NBEA: variants seen among roughly 807,000 people sequenced by gnomAD.
The protein encoded by NBEA is lysosomal-trafficking regulator 2.
In NBEA, 44 loss-of-function variants were observed where a neutral mutation model predicts 343.4. The ratio of observed to expected loss-of-function variants is 0.13; its 90% CI spans 0.10 to 0.16. The LOEUF (loss-of-function observed/expected upper bound fraction) is 0.16, where lower values mean the gene tolerates loss of function less well. Among genes scored for constraint, NBEA ranks in the 10% least tolerant of loss-of-function variants. The pLI, the probability that NBEA is intolerant of heterozygous loss-of-function variation, is 1.00. For missense variants in NBEA, 2,555 were observed against 3,631.3 expected (o/e 0.70, Z 7.62); for synonymous variants, 1,175 against 1,238.7 (o/e 0.95, Z 1.08).
chr13:35,121,270 A>C (rs2066783052), intron 16 of NBEA, among the ~76,000 whole-genome samples: 1 of 151,772 alleles, frequency 6.6e-6, no homozygotes, highest in Non-Finnish European at 1.5e-5. Flanking sequence ...ACACCTGACT[A>C]ATTTTTTTTG....
chr13:35,411,921 C>A (rs2152917484), intron 38 of NBEA, among the ~76,000 whole-genome samples: 1 of 152,162 alleles, frequency 6.6e-6, no homozygotes, highest in South Asian at 2.1e-4. Context: ...ATGATTTTAT[C>A]ATTCTTCCAC....
chr13:35,075,612 T>G (rs57090002), intron 10 of NBEA, among the ~76,000 whole-genome samples: 4,173 of 152,208 alleles, frequency 0.027, 81 homozygotes, highest in South Asian at 0.075. Flanking sequence ...ACAGTCCTCT[T>G]GTAATGTGAA....
chr13:35,179,806 C>A (rs1379327571), intron 28 of NBEA: 1 of 984,084 alleles, frequency 1.0e-6, no homozygotes, highest in African/African-American at 1.7e-5. Flanking sequence ...TGGTTGGTAT[C>A]TTTTCTTAAT....
At chr13:35,254,329 T>C (rs970535583) in intron 34 of NBEA, among the ~76,000 whole-genome samples, 2 of 149,490 alleles carry the variant, frequency 1.3e-5, no homozygotes, top group African/African-American at 4.9e-5. Flanking sequence ...TTTTACTTTT[T>C]TTTTTTTTTT....
chr13:35,061,802 A>C lies in NBEA; in HGVS notation c.1239+2939A>C, dbSNP rs545023477. ...TCTTCTCACAAATAACCATTTGTAAACTCTGCATATAATATAGATAACATC... is the reference window on the plus strand; with the variant it reads ...TCTTCTCACAAATAACCATTTGTAACCTCTGCATATAATATAGATAACATC... On this transcript the variant is annotated intron_variant, in intron 8 of 58. Coordinates refer to ENST00000379939, the MANE Select transcript of NBEA (RefSeq NM_001385012.1). 1.2e-4 allele frequency among the ~76,000 whole-genome samples: 18 copies of C among 151,862 alleles called. No homozygotes were observed. In the South Asian group the frequency reaches 3.7e-3, roughly 31 times the overall value.
intron 12 of NBEA, among the ~76,000 whole-genome samples, 177 bp downstream of exon 12, chr13:35,109,619 GAAA>G (rs1189053509): frequency 6.6e-6 from 1 of 152,024 alleles, no homozygotes; most frequent in East Asian, 1.9e-4. Flanking sequence ...TAAAATAAAT[GAAA>G]CAATAGGTAA....
In NBEA at chr13:35,624,144, A is replaced by G. The variant is rs150952157; in HGVS notation, c.7450-3937A>G. ...ATCAGGAAAAAGATAGGGATTTTCCACATCACCACTGCTGTTTTACATAGT... is the reference window on the plus strand; with the variant it reads ...ATCAGGAAAAAGATAGGGATTTTCCGCATCACCACTGCTGTTTTACATAGT... On this transcript the variant is annotated intron_variant, in intron 48 of 58. Transcript: ENST00000379939. 8.2e-3 allele frequency among the ~76,000 whole-genome samples: 1,243 copies of G among 152,104 alleles called. 10 individuals carry two copies. Among genetic ancestry groups the G allele is most frequent in the Middle Eastern group, 0.017 (5 of 294 alleles).
chr13:35,245,688 C>A (rs2031085450), intron 34 of NBEA, among the ~76,000 whole-genome samples: 1 of 152,128 alleles, frequency 6.6e-6, no homozygotes, highest in South Asian at 2.1e-4. Context: ...TTATAGGTTA[C>A]CTGATGCTTT....
At chr13:35,080,060 C>T (rs1426636387) in intron 10 of NBEA, among the ~76,000 whole-genome samples, 3 of 152,122 alleles carry the variant, frequency 2.0e-5, no homozygotes, top group Non-Finnish European at 4.4e-5. Flanking sequence ...TTTCTTTCTG[C>T]ACTGTGTAGT....
intron 11 of NBEA, among the ~76,000 whole-genome samples, chr13:35,105,586 T>G (rs1283952513): frequency 1.3e-5 from 2 of 152,024 alleles, no homozygotes; most frequent in East Asian, 3.9e-4. Context: ...TCTCTCCAAT[T>G]TGATTGGTTA....
intron 10 of NBEA, among the ~76,000 whole-genome samples, chr13:35,084,060 A>C (rs1005590289): frequency 4.6e-5 from 7 of 152,160 alleles, no homozygotes; most frequent in Admixed American, 2.6e-4. Flanking sequence ...ATACAGGAGC[A>C]CCCAGATTCA....
intron 36 of NBEA, among the ~76,000 whole-genome samples, chr13:35,319,132 G>T (rs2037958858): frequency 6.6e-6 from 1 of 151,952 alleles, no homozygotes; most frequent in Admixed American, 6.6e-5. Context: ...TTTATTTCTT[G>T]TCTTCTGCTA....
intron 16 of NBEA, among the ~76,000 whole-genome samples, chr13:35,121,888 A>G (rs976811472): frequency 6.6e-6 from 1 of 152,052 alleles, no homozygotes; most frequent in African/African-American, 2.4e-5. Context: ...ATGGCATTTT[A>G]TTTTTTCAGA....
At chr13:35,392,261 A>G (rs2042539623) in intron 38 of NBEA, among the ~76,000 whole-genome samples, 1 of 152,112 alleles carries the variant, frequency 6.6e-6, no homozygotes, top group African/African-American at 2.4e-5. Flanking sequence ...GTACTGTAAT[A>G]AGGCAACTGA....
intron 34 of NBEA, among the ~76,000 whole-genome samples, chr13:35,246,037 C>T (rs1229208838): frequency 6.6e-6 from 1 of 152,080 alleles, no homozygotes; most frequent in Non-Finnish European, 1.5e-5. Flanking sequence ...ACCTTATCTT[C>T]AAGCTCTAAA....
At chr13:35,619,593 G>A (rs1194377936) in intron 48 of NBEA, among the ~76,000 whole-genome samples, 1 of 152,144 alleles carries the variant, frequency 6.6e-6, no homozygotes, top group Non-Finnish European at 1.5e-5. Flanking sequence ...CCAAGAGATG[G>A]GCCAGAGGGG....
At chr13:35,125,196 A>G (rs2067054875) in intron 17 of NBEA, among the ~76,000 whole-genome samples, 1 of 152,144 alleles carries the variant, frequency 6.6e-6, no homozygotes, top group Admixed American at 6.5e-5. Context: ...ATGTTATCAC[A>G]AGTAGAAGAT....
Position 35,432,360 on chromosome 13 carries a change from G to T in NBEA, c.6271G>T (p.Ala2091Ser). The T allele has an allele frequency of 6.2e-7, 1 of 1,609,254 alleles. No homozygotes were observed. The change falls in exon 39 of 59, where the codon GCT becomes TCT. Residue 2091 changes from alanine to serine, a missense_variant. Coordinates refer to ENST00000379939, the MANE Select transcript of NBEA (RefSeq NM_001385012.1). ...FVRNAFGSTH[A>S]EALLKAAIEY... ...TCGCAATGCATTTGGCTCCACTCAT[G>T]CTGAAGCATTGCTGAAAGCTGCAAT...
At chr13:35,619,504 C>T (rs1393315434) in intron 48 of NBEA, among the ~76,000 whole-genome samples, 1 of 152,146 alleles carries the variant, frequency 6.6e-6, no homozygotes, top group Non-Finnish European at 1.5e-5. Flanking sequence ...CACTCCCCCA[C>T]CCAACCACAA....
Sources: gnomAD v4.1 joint callset for allele counts (sites outside exome capture counted in the v4.1 genomes callset) on GRCh38, gnomAD v4.1.1 for gene constraint, MANE v1.5 for transcripts, NCBI Gene and HGNC (gene_info 2026-07-23, HGNC 2026-07-21) for gene names.